The following ENPP6 variants were observed in gnomAD, a reference collection of about 807,000 sequenced individuals.
ENPP6 encodes the protein glycerophosphocholine cholinephosphodiesterase ENPP6.
A neutral mutation model predicts 42.0 loss-of-function variants in ENPP6; 32 were observed. The observed-to-expected ratio is 0.76, with a 90% CI of 0.58 to 1.02. The LOEUF is 1.02. Among genes scored for constraint, ENPP6 ranks in the 50% least tolerant of loss-of-function variants. ENPP6 has a pLI of 0.00. For missense variants in ENPP6, 552 were observed against 566.8 expected, an observed-to-expected ratio of 0.97 and a Z score of 0.27; for synonymous variants, 213 against 216.0, an observed-to-expected ratio of 0.99 and a Z score of 0.12.
Position 184,090,182 on chromosome 4 carries a change from C to G in ENPP6, c.*995G>C, listed in dbSNP as rs1735761923. ...AGGATTAAGGCTTAGTGCATCACCT[C>G]TCTGAGCAACCCACCGAGATCCTTG... On this transcript the variant is annotated 3_prime_UTR_variant, in exon 8 of 8. Transcript: ENST00000296741. 1 of 148,492 alleles carries G rather than the reference C, an allele frequency of 6.7e-6. No individual in the cohort carries two copies. Among genetic ancestry groups the G allele is most frequent in the African/African-American group, 2.5e-5 (1 of 40,032 alleles). 9.2% of individuals were successfully genotyped at this position (148,492 alleles called of 1,614,324 possible).
At chr4:184,104,675 C>T (rs1026673348) in intron 6 of ENPP6, among the ~76,000 whole-genome samples, 8 of 152,230 alleles carry the variant, frequency 5.3e-5, no homozygotes, top group African/African-American at 1.7e-4. Flanking sequence ...AGCCTGACTT[C>T]GCTTTCTTCT....
intron 3 of ENPP6, among the ~76,000 whole-genome samples, chr4:184,122,440 G>C (rs1334388120): frequency 9.3e-5 from 6 of 64,490 alleles, no homozygotes; most frequent in South Asian, 6.2e-4. Flanking sequence ...ACCACCACCA[G>C]AACCTTCCCC....
At chr4:184,130,276 T>G (rs1300090265) in intron 2 of ENPP6, among the ~76,000 whole-genome samples, 1 of 151,978 alleles carries the variant, frequency 6.6e-6, no homozygotes, top group Non-Finnish European at 1.5e-5. Flanking sequence ...GCCTGGGTTT[T>G]GGCCGGGCGC....
intron 1 of ENPP6, among the ~76,000 whole-genome samples, chr4:184,181,111 C>G (rs11937006): frequency 2.6e-5 from 4 of 152,066 alleles, no homozygotes. Flanking sequence ...CTAGAAAACC[C>G]CATCATCTGA....
chr4:184,088,996 T>C lies in ENPP6; in HGVS notation c.*2181A>G, dbSNP rs1735739292. The C allele has an allele frequency of 6.6e-6, 1 of 152,196 alleles. No homozygotes were observed. Among genetic ancestry groups the C allele is most frequent in the African/African-American group, 2.4e-5 (1 of 41,440 alleles). The allele number at this position is 152,196 out of a possible 1,614,324, so 9.4% of individuals were successfully genotyped here. The stretch of plus-strand genomic sequence containing the variant: ...TCCAATTTTAATTTAATCATTTGAG[T>C]ATCTCTTAGGGATTCTTCCTCCACA... On this transcript the variant is annotated 3_prime_UTR_variant, in exon 8 of 8. Transcript: ENST00000296741.
chr4:184,109,281 T>A (rs1293388890), intron 6 of ENPP6, among the ~76,000 whole-genome samples: 1 of 152,068 alleles, frequency 6.6e-6, no homozygotes, highest in South Asian at 2.1e-4. Flanking sequence ...ATATCCATGA[T>A]GCAGAGTCAT....
Position 184,172,123 on chromosome 4 carries a change from G to C in ENPP6, c.242-18390C>G, listed in dbSNP as rs141971960. On this transcript the variant is annotated intron_variant, in intron 1 of 7. Transcript: ENST00000296741. ...TAACAAAGAGCATCCAGGGCGAGAG[G>C]GTGGGAAGGAAGAAGTGTGGGCAAT... Among the ~76,000 whole-genome samples the C allele has an allele frequency of 9.3e-4, 141 of 152,262 alleles. 1 individual carries two copies. Among genetic ancestry groups the C allele is most frequent in the African/African-American group, 3.2e-3 (135 of 41,550 alleles).
At chr4:184,108,239 C>T (rs893466746) in intron 6 of ENPP6, among the ~76,000 whole-genome samples, 7 of 152,206 alleles carry the variant, frequency 4.6e-5, no homozygotes, top group Non-Finnish European at 1.0e-4. Flanking sequence ...AAACCAGTCT[C>T]ATCTGCCAGC....
intron 6 of ENPP6, among the ~76,000 whole-genome samples, chr4:184,112,225 A>T (rs1029566947): frequency 5.9e-5 from 9 of 152,206 alleles, no homozygotes; most frequent in African/African-American, 2.2e-4. Flanking sequence ...CAAAAAATGC[A>T]TGATATTCTC....
chr4:184,157,903 A>G (rs1248899133), intron 1 of ENPP6, among the ~76,000 whole-genome samples: 1 of 151,598 alleles, frequency 6.6e-6, no homozygotes, highest in Admixed American at 6.6e-5. Flanking sequence ...TACAGGCATG[A>G]GCCACTGTGC....
chr4:184,208,161 C>T (rs1051097472), intron 1 of ENPP6, among the ~76,000 whole-genome samples: 7 of 152,088 alleles, frequency 4.6e-5, no homozygotes, highest in Non-Finnish European at 1.0e-4. Flanking sequence ...GGCACCCATT[C>T]GCGAGTGTTC....
chr4:184,125,050 C>T (rs1022355523), intron 2 of ENPP6, among the ~76,000 whole-genome samples: 10 of 152,132 alleles, frequency 6.6e-5, no homozygotes, highest in Non-Finnish European at 8.8e-5. Flanking sequence ...TATGTTCAGA[C>T]GTACTGGAAA....
Position 184,090,772 on chromosome 4 carries a change from G to A in ENPP6, c.*405C>T. On this transcript the variant is annotated 3_prime_UTR_variant, in exon 8 of 8. Transcript: ENST00000296741. ...AGGATGGCTCCTGGGTGTGGACAGG[G>A]CACAGACAAGGGCCTGGTCTGAGGG... 1 of 358,122 alleles carries A rather than the reference G, an allele frequency of 2.8e-6. No individual in the cohort carries two copies. Among genetic ancestry groups the A allele is most frequent in the Non-Finnish European group, 5.0e-6 (1 of 199,560 alleles). 22.2% of individuals were successfully genotyped at this position (358,122 alleles called of 1,614,324 possible).
At chr4:184,146,121 G>GACTA (rs1736915757) in intron 2 of ENPP6, among the ~76,000 whole-genome samples, 1 of 148,370 alleles carries the variant, frequency 6.7e-6, no homozygotes, top group African/African-American at 2.5e-5. Context: ...TTCAAGCGTT[G>GACTA]ACTAACAATG....
intron 6 of ENPP6, among the ~76,000 whole-genome samples, chr4:184,101,909 G>A (rs1407489648): frequency 6.6e-6 from 1 of 152,192 alleles, no homozygotes; most frequent in East Asian, 1.9e-4. Flanking sequence ...CAGGACGCGC[G>A]GTGAGAAGCC....
At chr4:184,215,311 A>G (rs908411804) in intron 1 of ENPP6, among the ~76,000 whole-genome samples, 5 of 152,254 alleles carry the variant, frequency 3.3e-5, no homozygotes, top group East Asian at 1.9e-4. Flanking sequence ...AAGATCTAGC[A>G]TAGCAATTTT....
At chr4:184,093,240 G>A (rs1735838477) in intron 7 of ENPP6, among the ~76,000 whole-genome samples, 1 of 152,092 alleles carries the variant, frequency 6.6e-6, no homozygotes, top group African/African-American at 2.4e-5. Flanking sequence ...GACAAATTGT[G>A]GTTTGAATAT....
intron 1 of ENPP6, among the ~76,000 whole-genome samples, chr4:184,189,702 C>T (rs1218729299): frequency 6.6e-6 from 1 of 151,928 alleles, no homozygotes; most frequent in African/African-American, 2.4e-5. Context: ...TTAATGTCCT[C>T]ATTTTTAAAG....
intron 2 of ENPP6, among the ~76,000 whole-genome samples, chr4:184,151,680 C>T (rs542314843): frequency 6.6e-6 from 1 of 152,310 alleles, no homozygotes; most frequent in Non-Finnish European, 1.5e-5. Context: ...GTCCCTAATG[C>T]AGTGTGCCCA....
Sources: gnomAD v4.1 joint callset for allele counts (sites outside exome capture counted in the v4.1 genomes callset) on GRCh38, gnomAD v4.1.1 for gene constraint, MANE v1.5 for transcripts, NCBI Gene and HGNC (gene_info 2026-07-23, HGNC 2026-07-21) for gene names.